Variants in CSNK2A2IP observed in about 807,000 individuals in gnomAD.
The protein encoded by CSNK2A2IP is casein kinase II subunit alpha'-interacting protein.
At chr3:88,456,055 G>T in the CSNK2A2IP span, among the ~76,000 whole-genome samples, 1 of 151,900 alleles carries the variant, frequency 6.6e-6, no homozygotes, top group Non-Finnish European at 1.5e-5. Context: ...TGTTCCATTA[G>T]CTTATGTGTC....
At chr3:88,373,630 G>A in the CSNK2A2IP span, among the ~76,000 whole-genome samples, 1 of 147,644 alleles carries the variant, frequency 6.8e-6, no homozygotes, top group South Asian at 2.1e-4. Flanking sequence ...AAATAATGAA[G>A]TTAAGAGCAG....
the CSNK2A2IP span, among the ~76,000 whole-genome samples, chr3:88,389,482 G>A: frequency 2.6e-5 from 4 of 152,176 alleles, no homozygotes; most frequent in Admixed American, 2.0e-4. Flanking sequence ...GCCAGCTCAT[G>A]GAGGGACTTA....
chr3:88,370,516 C>A, the CSNK2A2IP span, among the ~76,000 whole-genome samples: 1 of 151,720 alleles, frequency 6.6e-6, no homozygotes, highest in Non-Finnish European at 1.5e-5. Context: ...AGAACCCTCC[C>A]TTCCATGAAG....
the CSNK2A2IP span, among the ~76,000 whole-genome samples, chr3:88,456,060 T>A: frequency 6.6e-6 from 1 of 152,072 alleles, no homozygotes; most frequent in Non-Finnish European, 1.5e-5. Flanking sequence ...CATTAGCTTA[T>A]GTGTCTAATT....
At chr3:88,435,951 GCACATTATGTGTGCATTATATA>G in the CSNK2A2IP span, among the ~76,000 whole-genome samples, 1 of 86,972 alleles carries the variant, frequency 1.1e-5, no homozygotes, top group Non-Finnish European at 2.4e-5. Flanking sequence ...TATATATAAT[GCACATTATGTGTGCATTATATA>G]TATTTCAGGA....
the CSNK2A2IP span, among the ~76,000 whole-genome samples, chr3:88,376,268 CAAATCA>C: frequency 3.3e-5 from 5 of 151,670 alleles, no homozygotes; most frequent in African/African-American, 1.2e-4. Context: ...ATTAATTATT[CAAATCA>C]ATTTCCTGCC....
chr3:88,373,603 TAAA>T, the CSNK2A2IP span, among the ~76,000 whole-genome samples: 125 of 143,604 alleles, frequency 8.7e-4, no homozygotes, highest in South Asian at 1.5e-3. Context: ...GTAATGAAAG[TAAA>T]AAAAAAAAAA....
chr3:88,418,557 C>A, the CSNK2A2IP span, among the ~76,000 whole-genome samples: 2 of 152,010 alleles, frequency 1.3e-5, no homozygotes, highest in Non-Finnish European at 2.9e-5. Context: ...TTACTACTTA[C>A]AATTAGCCTT....
the CSNK2A2IP span, among the ~76,000 whole-genome samples, chr3:88,431,511 C>T: frequency 6.6e-6 from 1 of 152,088 alleles, no homozygotes; most frequent in South Asian, 2.1e-4. Context: ...ACAGTGTATA[C>T]TACCCAGCTG....
the CSNK2A2IP span, among the ~76,000 whole-genome samples, chr3:88,414,374 C>T: frequency 1.6e-3 from 226 of 139,158 alleles, 3 homozygotes; most frequent in African/African-American, 5.7e-3. Context: ...CCTCCGCCTC[C>T]TGGGTTCAAG....
the CSNK2A2IP span, among the ~76,000 whole-genome samples, chr3:88,461,770 T>C: frequency 6.6e-6 from 1 of 152,070 alleles, no homozygotes; most frequent in Non-Finnish European, 1.5e-5. Context: ...ACTTTATTGA[T>C]TTTTTATTTT....
chr3:88,376,351 C>A, the CSNK2A2IP span, among the ~76,000 whole-genome samples: 1 of 151,752 alleles, frequency 6.6e-6, no homozygotes, highest in African/African-American at 2.4e-5. Context: ...AGGCACTCAG[C>A]AAATATATTT....
At chr3:88,430,961 A>G in the CSNK2A2IP span, among the ~76,000 whole-genome samples, 2 of 152,178 alleles carry the variant, frequency 1.3e-5, no homozygotes, top group African/African-American at 4.8e-5. Context: ...GTCTGTTTAG[A>G]CTTCAAATTA....
chr3:88,433,942 T>C, the CSNK2A2IP span, among the ~76,000 whole-genome samples: 1 of 152,204 alleles, frequency 6.6e-6, no homozygotes, highest in African/African-American at 2.4e-5. Context: ...TCAGGACTGG[T>C]CATTTACTCT....
chr3:88,412,362 T>C, the CSNK2A2IP span, among the ~76,000 whole-genome samples: 2 of 151,964 alleles, frequency 1.3e-5, no homozygotes, highest in South Asian at 2.1e-4. Context: ...GTGGATAGCA[T>C]TGGGATCATT....
the CSNK2A2IP span, among the ~76,000 whole-genome samples, chr3:88,399,084 TTAA>T: frequency 6.6e-6 from 1 of 152,124 alleles, no homozygotes; most frequent in African/African-American, 2.4e-5. Flanking sequence ...AAATATTAAC[TTAA>T]TAGGACATGA....
chr3:88,419,372 C>A, the CSNK2A2IP span, among the ~76,000 whole-genome samples: 2 of 152,106 alleles, frequency 1.3e-5, no homozygotes, highest in Non-Finnish European at 2.9e-5. Flanking sequence ...TTTTCTGTTC[C>A]TGCATTAATT....
At chr3:88,354,145 A>T in the CSNK2A2IP span, among the ~76,000 whole-genome samples, 1 of 152,214 alleles carries the variant, frequency 6.6e-6, no homozygotes, top group South Asian at 2.1e-4. Flanking sequence ...CATCAGAAGC[A>T]GTTGCTGATG....
the CSNK2A2IP span, among the ~76,000 whole-genome samples, chr3:88,387,784 G>A: frequency 0.011 from 1,745 of 152,186 alleles, 50 homozygotes; most frequent in African/African-American, 0.04. Flanking sequence ...AGAGTGCAGC[G>A]GCATGATCAC....
Sources: allele counts gnomAD v4.1 joint callset (sites outside exome capture counted in the v4.1 genomes callset), GRCh38; gene constraint gnomAD v4.1.1; transcripts MANE v1.5; gene names NCBI Gene and HGNC (gene_info 2026-07-23, HGNC 2026-07-21).